The following AHCYL2 variants were observed in gnomAD, a reference collection of about 807,000 sequenced individuals.
The protein encoded by AHCYL2 is S-adenosylhomocysteine hydrolase-like protein 2.
A neutral mutation model predicts 81.4 loss-of-function variants in AHCYL2; 28 were observed. The observed-to-expected ratio is 0.34, with a 90% CI of 0.25 to 0.47. The LOEUF (loss-of-function observed/expected upper bound fraction) is 0.47, where lower values mean the gene tolerates loss of function less well. AHCYL2 is among the 20% of genes least tolerant of loss of function. The pLI is 1.00. For missense variants in AHCYL2, 551 were observed against 785.1 expected (o/e 0.70, Z 3.56); for synonymous variants, 272 against 290.2 (o/e 0.94, Z 0.64).
Position 129,430,188 on chromosome 7 carries a change from CAA to C in AHCYL2, c.*3145_*3146del, listed in dbSNP as rs1562886441. On this transcript the variant is annotated 3_prime_UTR_variant, in exon 17 of 17. Coordinates refer to ENST00000325006, the MANE Select transcript of AHCYL2 (RefSeq NM_015328.4). ...ATAATGACTATGTAATCTCAAAAAA[CAA>C]ATAAAATATTCTTAACATGGACTCT... is the stretch of plus-strand genomic sequence containing the variant. The C allele has an allele frequency of 1.3e-5, 2 of 152,418 alleles. No homozygotes were observed. The highest frequency in any genetic ancestry group is 2.9e-5 in the Non-Finnish European group (2 of 67,992). The allele number at this position is 152,418 out of a possible 1,614,324, so 9.4% of individuals were successfully genotyped here.
chr7:129,323,407 G>T (rs1174199270), intron 1 of AHCYL2, among the ~76,000 whole-genome samples: 2 of 151,964 alleles, frequency 1.3e-5, no homozygotes, highest in African/African-American at 2.4e-5. Flanking sequence ...ATTTCATTGT[G>T]TTCAGAGAAC....
rs560190781 is a variant in AHCYL2 at position 129,269,456 on chromosome 7, T to G, written c.363+44017T>G. On this transcript the variant is annotated intron_variant, in intron 1 of 16. Transcript: ENST00000325006. ...ACGCATTACCATGCCTGGCTAATTT[T>G]TTTTTTATTTTGAGTAGAGATGGGG... is the stretch of plus-strand genomic sequence containing the variant. 7.2e-5 allele frequency among the ~76,000 whole-genome samples: 11 copies of G among 152,290 alleles called. No homozygotes were observed. In the East Asian group the frequency reaches 2.1e-3, roughly 29 times the overall value.
intron 1 of AHCYL2, among the ~76,000 whole-genome samples, chr7:129,352,518 T>C (rs942930208): frequency 6.6e-6 from 1 of 152,128 alleles, no homozygotes. Flanking sequence ...CACAAAACTT[T>C]CTCTCTTTCA....
intron 1 of AHCYL2, among the ~76,000 whole-genome samples, chr7:129,355,569 T>C (rs932103486): frequency 1.3e-5 from 2 of 152,186 alleles, no homozygotes; most frequent in Non-Finnish European, 2.9e-5. Flanking sequence ...TGTAACTACC[T>C]CAAATAATAA....
chr7:129,262,039 A>G (rs941347023), intron 1 of AHCYL2, among the ~76,000 whole-genome samples: 3 of 152,224 alleles, frequency 2.0e-5, no homozygotes, highest in Non-Finnish European at 2.9e-5. Flanking sequence ...ACATCACTGA[A>G]AAAAGACTAT....
At chr7:129,405,367 T>C in intron 8 of AHCYL2, 154 bp downstream of exon 8, 1 of 468,714 alleles carries the variant, frequency 2.1e-6, no homozygotes, top group Non-Finnish European at 3.8e-6. Flanking sequence ...AAAATTACAT[T>C]ATTTTTATTT....
chr7:129,420,709 C>A (rs1216076460), intron 12 of AHCYL2, among the ~76,000 whole-genome samples: 1 of 151,574 alleles, frequency 6.6e-6, no homozygotes, highest in Non-Finnish European at 1.5e-5. Flanking sequence ...TGGTGTTGAA[C>A]TCCTGGGCTC....
intron 1 of AHCYL2, among the ~76,000 whole-genome samples, chr7:129,344,388 C>A (rs934159381): frequency 3.3e-5 from 5 of 152,058 alleles, no homozygotes; most frequent in Non-Finnish European, 7.4e-5. Context: ...TATGGTACAC[C>A]CATGTAATGT....
At chr7:129,255,916 A>T (rs555855220) in intron 1 of AHCYL2, among the ~76,000 whole-genome samples, 7 of 152,184 alleles carry the variant, frequency 4.6e-5, no homozygotes, top group African/African-American at 1.7e-4. Flanking sequence ...ATGAGCTGAG[A>T]TTGCACCATT....
At chr7:129,353,634 G>T (rs1390055475) in intron 1 of AHCYL2, among the ~76,000 whole-genome samples, 1 of 148,750 alleles carries the variant, frequency 6.7e-6, no homozygotes, top group East Asian at 2.0e-4. Context: ...AGATGGAGGT[G>T]CCTATAGGAA....
chr7:129,366,671 G>C (rs1322116549), intron 1 of AHCYL2, among the ~76,000 whole-genome samples: 1 of 151,818 alleles, frequency 6.6e-6, no homozygotes, highest in East Asian at 1.9e-4. Context: ...AGCTACTCGG[G>C]AGGCTGAGGC....
chr7:129,320,790 T>TC (rs1563195460), intron 1 of AHCYL2, among the ~76,000 whole-genome samples: 1 of 152,094 alleles, frequency 6.6e-6, no homozygotes, highest in African/African-American at 2.4e-5. Flanking sequence ...GGTATTTTCC[T>TC]CCCCCCAGCC....
chr7:129,343,240 C>T (rs1189286256), intron 1 of AHCYL2, among the ~76,000 whole-genome samples: 1 of 152,116 alleles, frequency 6.6e-6, no homozygotes, highest in Non-Finnish European at 1.5e-5. Flanking sequence ...GCTCATCTTT[C>T]TTGCTTGGCA....
At position 129,251,317 on chromosome 7, in the gene AHCYL2, ATTTTTTTTTT is replaced by A. The variant is rs3042851; in HGVS notation, c.363+25894_363+25903del. Among the ~76,000 whole-genome samples the A allele has an allele frequency of 1.2e-4, 14 of 119,488 alleles. No homozygotes were observed. In the East Asian group the frequency reaches 1.3e-3, roughly 11 times the overall value. 78.4% of individuals were successfully genotyped at this position (119,488 alleles called of 152,430 possible). A position where few individuals can be genotyped will look rare whatever the true frequency, so the allele number is the denominator to read the frequency against. ...TGTTAACAGCTGGCAGATAGTAAAG[ATTTTTTTTTT>A]TTTTTTTTTTTTTTTAAATAAGAGT... On this transcript the variant is annotated intron_variant, in intron 1 of 16. Coordinates refer to ENST00000325006, the MANE Select transcript of AHCYL2 (RefSeq NM_015328.4).
chr7:129,407,708 G>T (rs1796371936), intron 10 of AHCYL2, among the ~76,000 whole-genome samples: 2 of 152,192 alleles, frequency 1.3e-5, no homozygotes. Context: ...TATGTGCTGA[G>T]AATGAATAAG....
chr7:129,288,286 A>T (rs1002209915), intron 1 of AHCYL2, among the ~76,000 whole-genome samples: 2 of 148,594 alleles, frequency 1.3e-5, no homozygotes, highest in African/African-American at 4.9e-5. Flanking sequence ...TGCTGATTAC[A>T]TCTCTGTGGT....
At position 129,405,218 on chromosome 7, in the gene AHCYL2, T is replaced by A; in HGVS notation, c.1142+5T>A. ...CCGTGAATCAATTCTTGATGGGTAATGTTTATTATCTTTGAGATGAAGTTG... is the reference window on the plus strand; with the variant it reads ...CCGTGAATCAATTCTTGATGGGTAAAGTTTATTATCTTTGAGATGAAGTTG... On this transcript the variant is annotated splice_donor_5th_base_variant and intron_variant, in intron 8 of 16. Coordinates refer to ENST00000325006, the MANE Select transcript of AHCYL2 (RefSeq NM_015328.4). 1 of 1,586,660 alleles carries A rather than the reference T, an allele frequency of 6.3e-7. No homozygotes were observed. Among genetic ancestry groups the A allele is most frequent in the Non-Finnish European group, 8.6e-7 (1 of 1,164,154 alleles).
At chr7:129,232,030 A>C (rs1794462637) in intron 1 of AHCYL2, among the ~76,000 whole-genome samples, 1 of 151,924 alleles carries the variant, frequency 6.6e-6, no homozygotes, top group African/African-American at 2.4e-5. Flanking sequence ...GGGTATTTGA[A>C]CTGCTGATTG....
intron 1 of AHCYL2, among the ~76,000 whole-genome samples, chr7:129,320,348 T>G (rs929354353): frequency 3.9e-5 from 6 of 152,196 alleles, no homozygotes; most frequent in Non-Finnish European, 5.9e-5. Context: ...AGATAGAGTC[T>G]TCTTCTGTCA....
Sources: allele counts gnomAD v4.1 joint callset (sites outside exome capture counted in the v4.1 genomes callset), GRCh38; gene constraint gnomAD v4.1.1; transcripts MANE v1.5; gene names NCBI Gene and HGNC (gene_info 2026-07-23, HGNC 2026-07-21).